The following RPSA2 variants were observed in gnomAD, a reference collection of about 807,000 sequenced individuals.
The protein encoded by RPSA2 is small ribosomal subunit protein uS2B.
the RPSA2 span, among the ~76,000 whole-genome samples, chr19:23,805,271 TCTC>T: frequency 1.9e-3 from 288 of 152,156 alleles, 1 homozygote; most frequent in African/African-American, 6.7e-3. Context: ...TTCAAGCGAT[TCTC>T]CTCCCCCAGC....
At chr19:23,857,128 T>C in the RPSA2 span, among the ~76,000 whole-genome samples, 2 of 152,166 alleles carry the variant, frequency 1.3e-5, no homozygotes, top group Non-Finnish European at 2.9e-5. Flanking sequence ...GAAATTCTTT[T>C]CCTAGAGTAT....
At chr19:23,804,590 C>T in the RPSA2 span, among the ~76,000 whole-genome samples, 11 of 151,692 alleles carry the variant, frequency 7.3e-5, no homozygotes, top group African/African-American at 1.2e-4. Flanking sequence ...CCACCGCGTC[C>T]GGCCTGTGCC....
At chr19:23,805,604 A>C in the RPSA2 span, among the ~76,000 whole-genome samples, 1 of 152,134 alleles carries the variant, frequency 6.6e-6, no homozygotes, top group African/African-American at 2.4e-5. Flanking sequence ...GCATATTCTC[A>C]AGATGCAGGT....
At chr19:23,806,964 G>C in the RPSA2 span, among the ~76,000 whole-genome samples, 1 of 151,928 alleles carries the variant, frequency 6.6e-6, no homozygotes, top group African/African-American at 2.4e-5. Context: ...CTTTAGTGGG[G>C]GGCCATATCT....
At chr19:23,807,678 G>A in the RPSA2 span, 2 of 206,490 alleles carry the variant, frequency 9.7e-6, no homozygotes, top group East Asian at 1.7e-4. Flanking sequence ...GAAAAGGTTT[G>A]TGTGTTGACA....
the RPSA2 span, among the ~76,000 whole-genome samples, chr19:23,801,681 A>C: frequency 6.6e-6 from 1 of 152,208 alleles, no homozygotes; most frequent in Non-Finnish European, 1.5e-5. Flanking sequence ...ATAATAAGTT[A>C]TTTATTTAAA....
At chr19:23,867,008 A>G in the RPSA2 span, among the ~76,000 whole-genome samples, 1 of 152,198 alleles carries the variant, frequency 6.6e-6, no homozygotes, top group Non-Finnish European at 1.5e-5. Flanking sequence ...TATATAGCAC[A>G]ATTATTGCTT....
the RPSA2 span, among the ~76,000 whole-genome samples, chr19:23,775,998 A>C: frequency 6.6e-6 from 1 of 152,144 alleles, no homozygotes; most frequent in Non-Finnish European, 1.5e-5. Context: ...TACAAATAGG[A>C]TTGTGCCACA....
the RPSA2 span, among the ~76,000 whole-genome samples, chr19:23,824,580 C>T: frequency 3.4e-4 from 22 of 63,794 alleles, no homozygotes; most frequent in African/African-American, 6.7e-4. Context: ...TATAGCATTT[C>T]TTTTTTTTTT....
the RPSA2 span, among the ~76,000 whole-genome samples, chr19:23,805,507 A>G: frequency 6.6e-6 from 1 of 152,152 alleles, no homozygotes; most frequent in South Asian, 2.1e-4. Context: ...TATAAAGGAC[A>G]GAAATGGGTA....
chr19:23,809,775 C>T, the RPSA2 span, among the ~76,000 whole-genome samples: 11 of 151,594 alleles, frequency 7.3e-5, no homozygotes, highest in South Asian at 2.1e-4. Context: ...GGTCTACCAA[C>T]AGCAATGTTT....
At chr19:23,762,609 G>A in the RPSA2 span, among the ~76,000 whole-genome samples, 1 of 151,400 alleles carries the variant, frequency 6.6e-6, no homozygotes, top group East Asian at 2.0e-4. Context: ...CTGGGAGGAG[G>A]AGGTTGCAGT....
chr19:23,810,991 A>G, the RPSA2 span, among the ~76,000 whole-genome samples: 2 of 148,898 alleles, frequency 1.3e-5, no homozygotes, highest in Non-Finnish European at 3.0e-5. Flanking sequence ...GGATCTCAGA[A>G]CTCTCTTAAA....
the RPSA2 span, among the ~76,000 whole-genome samples, chr19:23,859,742 T>C: frequency 3.3e-5 from 5 of 152,232 alleles, no homozygotes; most frequent in Non-Finnish European, 5.9e-5. Flanking sequence ...TAATCGTTTG[T>C]CCAAAATTAT....
At chr19:23,767,345 C>T in the RPSA2 span, among the ~76,000 whole-genome samples, 3 of 152,128 alleles carry the variant, frequency 2.0e-5, no homozygotes, top group African/African-American at 7.2e-5. Flanking sequence ...TCTCAAAGTG[C>T]AGGGATTACA....
At chr19:23,827,411 C>G in the RPSA2 span, 5 of 1,457,152 alleles carry the variant, frequency 3.4e-6, no homozygotes, top group Non-Finnish European at 4.8e-6. Context: ...GAATACTGGC[C>G]AGAGGGCTGT....
At chr19:23,824,061 G>A in the RPSA2 span, among the ~76,000 whole-genome samples, 2 of 152,184 alleles carry the variant, frequency 1.3e-5, no homozygotes, top group Non-Finnish European at 2.9e-5. Flanking sequence ...ACAAAAAGCT[G>A]AGCCCTGGAC....
At chr19:23,866,496 G>A in the RPSA2 span, among the ~76,000 whole-genome samples, 21 of 151,836 alleles carry the variant, frequency 1.4e-4, no homozygotes, top group East Asian at 3.5e-3. Flanking sequence ...AGGACAAAAA[G>A]GATCTTACAA....
the RPSA2 span, among the ~76,000 whole-genome samples, chr19:23,786,584 G>C: frequency 2.0e-5 from 3 of 152,168 alleles, no homozygotes; most frequent in African/African-American, 7.2e-5. Flanking sequence ...GTTACATATT[G>C]CTGGGTTAAA....
Sources: allele counts gnomAD v4.1 joint callset (sites outside exome capture counted in the v4.1 genomes callset), GRCh38; gene constraint gnomAD v4.1.1; transcripts MANE v1.5; gene names NCBI Gene and HGNC (gene_info 2026-07-23, HGNC 2026-07-21).